Variants in RIMS2 observed in about 807,000 individuals in gnomAD.
RIMS2 encodes the protein regulating synaptic membrane exocytosis protein 2.
In RIMS2, 59 loss-of-function variants were observed where a neutral mutation model predicts 174.4. The observed-to-expected ratio is 0.34, with a 90% CI of 0.27 to 0.42. The LOEUF (loss-of-function observed/expected upper bound fraction) is 0.42, where lower values mean the gene tolerates loss of function less well. RIMS2 is among the 10% of genes least tolerant of loss of function. The pLI is 1.00. For missense variants in RIMS2, 1,620 were observed against 1,666.3 expected (o/e 0.97, Z 0.48); for synonymous variants, 606 against 572.5 (o/e 1.06, Z -0.84).
intron 19 of RIMS2, among the ~76,000 whole-genome samples, chr8:104,239,355 C>T (rs926196622): frequency 2.0e-5 from 3 of 152,076 alleles, no homozygotes; most frequent in Admixed American, 6.6e-5. Flanking sequence ...TTCCTTCTGC[C>T]TGTGATGTTT....
At chr8:103,831,390 G>A (rs1215060611) in intron 3 of RIMS2, among the ~76,000 whole-genome samples, 1 of 152,102 alleles carries the variant, frequency 6.6e-6, no homozygotes, top group Non-Finnish European at 1.5e-5. Context: ...AACACACAGT[G>A]TCAGGAAACA....
chr8:103,809,603 C>T (rs1204505029), intron 3 of RIMS2, among the ~76,000 whole-genome samples: 1 of 152,048 alleles, frequency 6.6e-6, no homozygotes, highest in Admixed American at 6.6e-5. Flanking sequence ...GAATTTTGAA[C>T]AGTGATTTAT....
chr8:103,897,738 C>T (rs1039519211), intron 4 of RIMS2, among the ~76,000 whole-genome samples: 1 of 151,624 alleles, frequency 6.6e-6, no homozygotes, highest in Non-Finnish European at 1.5e-5. Context: ...GACTACATGG[C>T]CTTGTTCCAG....
At chr8:103,960,031 C>G (rs1032453740) in intron 14 of RIMS2, among the ~76,000 whole-genome samples, 1 of 147,878 alleles carries the variant, frequency 6.8e-6, no homozygotes, top group Admixed American at 6.7e-5. Context: ...GATAGAGACA[C>G]AAAAAACCCG....
At chr8:103,887,598 A>G (rs927451306) in intron 4 of RIMS2, among the ~76,000 whole-genome samples, 25 of 151,604 alleles carry the variant, frequency 1.6e-4, no homozygotes, top group African/African-American at 5.8e-4. Flanking sequence ...TATCATACCA[A>G]CCTCCTACCC....
intron 19 of RIMS2, among the ~76,000 whole-genome samples, chr8:104,064,572 T>C (rs985516357): frequency 1.3e-5 from 2 of 152,000 alleles, no homozygotes; most frequent in African/African-American, 4.8e-5. Context: ...TTTGTATATA[T>C]ACATATCAAA....
intron 17 of RIMS2, among the ~76,000 whole-genome samples, chr8:104,011,789 T>A (rs2095769092): frequency 6.6e-6 from 1 of 151,982 alleles, no homozygotes; most frequent in South Asian, 2.1e-4. Context: ...GTAAGATGAA[T>A]CTTTAAATAA....
chr8:103,720,370 T>G (rs375400614), intron 2 of RIMS2, among the ~76,000 whole-genome samples: 137 of 152,354 alleles, frequency 9.0e-4, no homozygotes, highest in African/African-American at 3.1e-3. Context: ...ATTTTTCAAA[T>G]TACATCATTT....
intron 19 of RIMS2, among the ~76,000 whole-genome samples, chr8:104,215,734 T>C (rs2099126928): frequency 6.6e-6 from 1 of 152,226 alleles, no homozygotes; most frequent in Non-Finnish European, 1.5e-5. Flanking sequence ...ATCACAAAGC[T>C]GGAGCATTGC....
intron 1 of RIMS2, among the ~76,000 whole-genome samples, chr8:103,619,237 T>G (rs1396732747): frequency 6.6e-6 from 1 of 150,758 alleles, no homozygotes; most frequent in Admixed American, 6.6e-5. Flanking sequence ...CTTAGTAAAA[T>G]TTATTAGTGT....
chr8:104,157,297 T>C (rs1190306232), intron 19 of RIMS2, among the ~76,000 whole-genome samples: 1 of 152,204 alleles, frequency 6.6e-6, no homozygotes, highest in Non-Finnish European at 1.5e-5. Flanking sequence ...AGTTTTATTG[T>C]TCTTGGAAAC....
chr8:103,974,589 C>T (rs2093247092), intron 15 of RIMS2, among the ~76,000 whole-genome samples: 1 of 152,178 alleles, frequency 6.6e-6, no homozygotes, highest in Non-Finnish European at 1.5e-5. Flanking sequence ...CTCCACATAC[C>T]AGTTGCTTTC....
At chr8:104,066,062 C>T (rs1048740911) in intron 19 of RIMS2, among the ~76,000 whole-genome samples, 1 of 152,174 alleles carries the variant, frequency 6.6e-6, no homozygotes, top group African/African-American at 2.4e-5. Context: ...AAATCTGACT[C>T]ACTGCCTGTT....
At chr8:103,626,143 T>C (rs2095779980) in intron 1 of RIMS2, among the ~76,000 whole-genome samples, 1 of 152,128 alleles carries the variant, frequency 6.6e-6, no homozygotes, top group South Asian at 2.1e-4. Flanking sequence ...GGGATACAGT[T>C]TAATTTAAAT....
intron 12 of RIMS2, 81 bp from the exon 15 acceptor site, chr8:103,936,470 C>T: frequency 7.3e-6 from 6 of 826,542 alleles, no homozygotes; most frequent in South Asian, 2.3e-5. Flanking sequence ...GACTTGTCTC[C>T]TGAGAAATTT....
intron 17 of RIMS2, among the ~76,000 whole-genome samples, chr8:104,004,573 C>A (rs1201280539): frequency 2.0e-5 from 3 of 151,968 alleles, no homozygotes; most frequent in Non-Finnish European, 4.4e-5. Flanking sequence ...ATGAACTTAT[C>A]AAGAAAGTGT....
chr8:103,524,885 A>G (rs1833253378), intron 1 of RIMS2, among the ~76,000 whole-genome samples: 1 of 152,192 alleles, frequency 6.6e-6, no homozygotes, highest in African/African-American at 2.4e-5. Context: ...TTCCTGGAAT[A>G]CTGATGCTGC....
intron 19 of RIMS2, among the ~76,000 whole-genome samples, chr8:104,227,948 T>C (rs2099198697): frequency 6.6e-6 from 1 of 152,014 alleles, no homozygotes; most frequent in Non-Finnish European, 1.5e-5. Flanking sequence ...CTATGAGGAA[T>C]TAAAATAAAA....
Position 103,732,268 on chromosome 8 carries a change from C to T in RIMS2, c.388-33959C>T, listed in dbSNP as rs866356639. ...TTTCATGTATTACTAGGCAGAGACT[C>T]TTGTCTTCCCTTCCTTTCTCCAAAG... On this transcript the variant is annotated intron_variant, in intron 2 of 23. Coordinates refer to ENST00000504942, the Ensembl canonical transcript of RIMS2. Among the ~76,000 whole-genome samples, 4 of 152,322 alleles carry T rather than the reference C, an allele frequency of 2.6e-5. No individual in the cohort carries two copies. In the South Asian group the frequency reaches 6.2e-4, roughly 24 times the overall value.
Sources: allele counts gnomAD v4.1 joint callset (sites outside exome capture counted in the v4.1 genomes callset), GRCh38; gene constraint gnomAD v4.1.1; transcripts MANE v1.5; gene names NCBI Gene and HGNC (gene_info 2026-07-23, HGNC 2026-07-21).